Variants in CADM2 observed in about 807,000 individuals in gnomAD.
The protein encoded by CADM2 is immunoglobulin superfamily member 4D.
CADM2 carries 12 observed loss-of-function variants against 49.8 expected under a neutral mutation model. The ratio of observed to expected loss-of-function variants is 0.24; its 90% CI spans 0.15 to 0.39. The LOEUF (loss-of-function observed/expected upper bound fraction) is 0.39, where lower values mean the gene tolerates loss of function less well. Ranked by LOEUF, CADM2 falls within the 10% of genes least tolerant of loss-of-function variation. The pLI, the probability that CADM2 is intolerant of heterozygous loss-of-function variation, is 1.00. For missense variants in CADM2, 378 were observed against 492.3 expected (o/e 0.77, Z 2.20); for synonymous variants, 214 against 175.4 (o/e 1.22, Z -1.74).
intron 6 of CADM2, among the ~76,000 whole-genome samples, chr3:85,918,352 T>C (rs912082784): frequency 1.3e-5 from 2 of 152,218 alleles, no homozygotes; most frequent in African/African-American, 4.8e-5. Context: ...TATTGTGAGT[T>C]TTTAACATGA....
intron 8 of CADM2, among the ~76,000 whole-genome samples, chr3:86,048,223 T>C (rs1410965613): frequency 6.6e-6 from 1 of 152,042 alleles, no homozygotes; most frequent in African/African-American, 2.4e-5. Flanking sequence ...CGAATATATA[T>C]GTATTTGTTT....
At chr3:85,783,084 T>G (rs1273883138) in intron 2 of CADM2, among the ~76,000 whole-genome samples, 1 of 152,162 alleles carries the variant, frequency 6.6e-6, no homozygotes, top group Non-Finnish European at 1.5e-5. Context: ...TGCCAGTTGA[T>G]GATTAGGTAG....
At chr3:85,431,411 CTA>C (rs764649416) in intron 1 of CADM2, among the ~76,000 whole-genome samples, 2 of 152,166 alleles carry the variant, frequency 1.3e-5, no homozygotes, top group Non-Finnish European at 2.9e-5. Context: ...GTTACAGAAA[CTA>C]AATCTCCTGC....
At chr3:85,160,283 T>G (rs958873129) in intron 1 of CADM2, among the ~76,000 whole-genome samples, 1 of 152,152 alleles carries the variant, frequency 6.6e-6, no homozygotes, top group African/African-American at 2.4e-5. Context: ...TTCTTATAGC[T>G]CCATTGTTGT....
intron 1 of CADM2, among the ~76,000 whole-genome samples, chr3:85,112,353 G>C (rs2038488680): frequency 7.1e-6 from 1 of 140,700 alleles, no homozygotes; most frequent in Non-Finnish European, 1.5e-5. Context: ...TGGAGAAACT[G>C]TCATTTTTTT....
intron 1 of CADM2, among the ~76,000 whole-genome samples, chr3:85,540,690 A>AT: frequency 6.6e-6 from 1 of 152,312 alleles, no homozygotes; most frequent in Middle Eastern, 3.4e-3. Context: ...TGCAAAAGGC[A>AT]TTTTATTGCA....
At chr3:85,070,510 T>C (rs1228141363) in intron 1 of CADM2, among the ~76,000 whole-genome samples, 2 of 152,148 alleles carry the variant, frequency 1.3e-5, no homozygotes, top group Non-Finnish European at 2.9e-5. Flanking sequence ...AGATTACCTT[T>C]TTAAGAGTTT....
At chr3:86,039,503 C>T (rs13323149) in intron 8 of CADM2, among the ~76,000 whole-genome samples, 6 of 151,946 alleles carry the variant, frequency 3.9e-5, no homozygotes, top group Admixed American at 3.3e-4. Flanking sequence ...AGCAGTCTGA[C>T]ATCAAACTGC....
chr3:85,090,905 A>C (rs2107523253), intron 1 of CADM2, among the ~76,000 whole-genome samples: 1 of 152,208 alleles, frequency 6.6e-6, no homozygotes. Context: ...TCTGTGGAAA[A>C]ATTATCTTCC....
At chr3:85,542,125 G>A (rs930831752) in intron 1 of CADM2, among the ~76,000 whole-genome samples, 2 of 151,802 alleles carry the variant, frequency 1.3e-5, no homozygotes, top group African/African-American at 4.8e-5. Context: ...CTGTGACATT[G>A]CTTCCAGGTT....
intron 1 of CADM2, among the ~76,000 whole-genome samples, chr3:85,556,436 T>A (rs2107150674): frequency 6.6e-6 from 1 of 152,228 alleles, no homozygotes; most frequent in East Asian, 1.9e-4. Context: ...TCAACTCTAT[T>A]TCAAAAATTT....
intron 1 of CADM2, among the ~76,000 whole-genome samples, chr3:85,519,044 T>C (rs1424158250): frequency 1.3e-5 from 2 of 152,116 alleles, no homozygotes; most frequent in East Asian, 3.9e-4. Context: ...ATTAATTCCC[T>C]TTAATCATGG....
At chr3:85,037,097 G>T (rs2035248487) in intron 1 of CADM2, among the ~76,000 whole-genome samples, 1 of 152,104 alleles carries the variant, frequency 6.6e-6, no homozygotes, top group Non-Finnish European at 1.5e-5. Flanking sequence ...TTGAACCTGG[G>T]AGGCAGAGGT....
intron 1 of CADM2, among the ~76,000 whole-genome samples, chr3:85,694,917 A>T (rs910794520): frequency 6.6e-6 from 1 of 151,742 alleles, no homozygotes; most frequent in African/African-American, 2.4e-5. Context: ...CAACACAGTG[A>T]GATCCTATCT....
At chr3:85,262,737 A>T (rs1304311669) in intron 1 of CADM2, among the ~76,000 whole-genome samples, 1 of 152,108 alleles carries the variant, frequency 6.6e-6, no homozygotes, top group Non-Finnish European at 1.5e-5. Context: ...GAAACTTTCC[A>T]ATACACAGTT....
At chr3:85,037,198 G>A (rs2035256727) in intron 1 of CADM2, among the ~76,000 whole-genome samples, 1 of 151,912 alleles carries the variant, frequency 6.6e-6, no homozygotes, top group Non-Finnish European at 1.5e-5. Context: ...AAAAAGATAT[G>A]ATTCTGCTTT....
chr3:85,211,443 T>C (rs1200709960), intron 1 of CADM2, among the ~76,000 whole-genome samples: 5 of 152,132 alleles, frequency 3.3e-5, no homozygotes, highest in Non-Finnish European at 7.4e-5. Context: ...AACTTTCCCT[T>C]AGTACTGGTT....
intron 1 of CADM2, among the ~76,000 whole-genome samples, chr3:85,206,498 G>A (rs1170126642): frequency 2.0e-5 from 3 of 151,708 alleles, no homozygotes; most frequent in Admixed American, 1.3e-4. Flanking sequence ...TAGTAGAGAC[G>A]GGGTTTCACC....
At chr3:85,834,734 T>C (rs1008647283) in intron 3 of CADM2, among the ~76,000 whole-genome samples, 2 of 147,562 alleles carry the variant, frequency 1.4e-5, no homozygotes, top group East Asian at 4.0e-4. Flanking sequence ...CTGTATCTTC[T>C]TGGGGAAAAA....
Sources: gnomAD v4.1 joint callset for allele counts (sites outside exome capture counted in the v4.1 genomes callset) on GRCh38, gnomAD v4.1.1 for gene constraint, MANE v1.5 for transcripts, NCBI Gene and HGNC (gene_info 2026-07-23, HGNC 2026-07-21) for gene names.